TOM1L2: variants seen among roughly 807,000 people sequenced by gnomAD.
TOM1L2 encodes the protein TOM1-like protein 2.
Under a neutral mutation model 67.9 loss-of-function variants are expected in TOM1L2, and 31 were observed. The observed-to-expected ratio is 0.46, with a 90% CI of 0.34 to 0.62. The LOEUF is 0.62. TOM1L2 is among the 20% of genes least tolerant of loss of function. TOM1L2 has a pLI of 0.01. For missense variants in TOM1L2, 606 were observed against 663.5 expected (o/e 0.91, Z 0.95); for synonymous variants, 256 against 254.0 (o/e 1.01, Z -0.07).
In TOM1L2 at chr17:17,893,919, A is replaced by G. The variant is rs2038423335; in HGVS notation, c.217-109T>C. 11 of 1,177,308 alleles carry G rather than the reference A, an allele frequency of 9.3e-6. No individual in the cohort carries two copies. The South Asian group carries it at 1.7e-4, about 18-fold the overall frequency. 72.9% of individuals were successfully genotyped at this position (1,177,308 alleles called of 1,614,324 possible). ...ACCATCCCCTCTGTCTTGCTCCTAG[A>G]TCAGCTTTCTGACACGTCTCCTCCA... On this transcript the variant is annotated intron_variant, in intron 3 of 14. Coordinates refer to ENST00000379504, the MANE Select transcript of TOM1L2 (RefSeq NM_001082968.2).
rs754015131 is a variant in TOM1L2 at position 17,850,961 on chromosome 17, G to A, written c.1279-9C>T. ...GGCTGCGCAACGGGGATCTATGGAG[G>A]CGGCAAGCAGCGGGCCAGGCAGCCC... On this transcript the variant is annotated splice_polypyrimidine_tract_variant and intron_variant, in intron 12 of 14. Coordinates refer to ENST00000379504, the MANE Select transcript of TOM1L2 (RefSeq NM_001082968.2). 22 of 1,613,470 alleles carry A rather than the reference G, an allele frequency of 1.4e-5. No individual in the cohort carries two copies. In the African/African-American group the frequency reaches 1.9e-4, roughly 14 times the overall value.
chr17:17,970,664 C>T (rs2042033120), intron 1 of TOM1L2, among the ~76,000 whole-genome samples: 1 of 152,162 alleles, frequency 6.6e-6, no homozygotes, highest in Non-Finnish European at 1.5e-5. Context: ...TGGGGTCCCT[C>T]ATGCATTATA....
rs192310201 is a variant in TOM1L2 at position 17,928,171 on chromosome 17, G to C, written c.53-20640C>G. Among the ~76,000 whole-genome samples the C allele has an allele frequency of 2.3e-3, 343 of 151,108 alleles. 2 individuals are homozygous for C. The highest frequency in any genetic ancestry group is 7.5e-3 in the African/African-American group (308 of 41,092). On this transcript the variant is annotated intron_variant, in intron 1 of 14. Coordinates refer to ENST00000379504, the MANE Select transcript of TOM1L2 (RefSeq NM_001082968.2). The stretch of plus-strand genomic sequence containing the variant: ...TTTTCTGTAACAACAAAAAAAATCA[G>C]TAGGAGACAGCATAAAACCATTCAT...
intron 2 of TOM1L2, among the ~76,000 whole-genome samples, chr17:17,904,602 T>TTG (rs2039004738): frequency 6.6e-6 from 1 of 152,084 alleles, no homozygotes; most frequent in African/African-American, 2.4e-5. Context: ...AGGGAGCAAC[T>TTG]TGGTCGTTGT....
At chr17:17,885,142 T>G (rs924982740) in intron 4 of TOM1L2, among the ~76,000 whole-genome samples, 3 of 152,344 alleles carry the variant, frequency 2.0e-5, no homozygotes, top group East Asian at 1.9e-4. Context: ...AGCTGGAGCC[T>G]TGTCAGCTCA....
intron 1 of TOM1L2, among the ~76,000 whole-genome samples, chr17:17,957,425 C>T (rs893593743): frequency 6.6e-6 from 1 of 152,124 alleles, no homozygotes; most frequent in Non-Finnish European, 1.5e-5. Context: ...GTTCCCTCTG[C>T]AGTGTGTTGG....
intron 12 of TOM1L2, among the ~76,000 whole-genome samples, chr17:17,854,554 T>C (rs1392241481): frequency 1.3e-5 from 2 of 152,138 alleles, no homozygotes; most frequent in Non-Finnish European, 2.9e-5. Flanking sequence ...AGACAGAGTC[T>C]TGCTCTGTTG....
Position 17,884,717 on chromosome 17 carries a change from T to G in TOM1L2, c.418A>C (p.Ile140Leu). 1.9e-6 allele frequency: 3 copies of G among 1,613,928 alleles called. No homozygotes were observed. The African/African-American group carries it at 4.0e-5, about 22-fold the overall frequency. Residue 140 changes from isoleucine (I) to leucine (L), a missense_variant, in exon 5 of 15, where the codon ATA becomes CTA. By Grantham distance (5) the Ile-to-Leu change is conservative (BLOSUM62 2). This residue lies in a region of TOM1L2 where 543 missense variants were observed against 554.0 expected (regional missense o/e 0.98). Transcript: ENST00000379504. ...CCTTTCCTCTTCAGCTCCTCATATA[T>G]GTGCACAACGCCGGTGAGATCAGGA... is the stretch of plus-strand genomic sequence containing the variant. ...SSPDLTGVVH[I>L]YEELKRKGVE... is the part of the protein sequence containing the mutation.
Position 17,850,899 on chromosome 17 carries a change from GGTCCTGAGCCACACCTCAATGTC to G in TOM1L2, c.1309_1331del (p.Asp437ArgfsTer5), listed in dbSNP as rs1213993040. On this transcript the variant is annotated frameshift_variant, in exon 13 of 15. Coordinates refer to ENST00000379504, the MANE Select transcript of TOM1L2 (RefSeq NM_001082968.2). LOFTEE classifies it high-confidence loss of function. ...TAGAAAAGTCGAGTCTCACCAGGTCGGTCCTGAGCCACACCTCAATGTCGTCCATGACAGATGGCTGCGCAACG... is the reference window on the plus strand; with the variant it reads ...TAGAAAAGTCGAGTCTCACCAGGTCGGTCCATGACAGATGGCTGCGCAACG... The G allele has an allele frequency of 6.2e-7, 1 of 1,614,008 alleles. No individual in the cohort carries two copies. Among genetic ancestry groups the G allele is most frequent in the East Asian group, 2.2e-5 (1 of 44,892 alleles).
intron 2 of TOM1L2, among the ~76,000 whole-genome samples, chr17:17,902,937 T>C (rs1350649726): frequency 6.6e-6 from 1 of 151,284 alleles, no homozygotes; most frequent in African/African-American, 2.5e-5. Context: ...CACAGGGAGA[T>C]GAAGTAACTC....
At chr17:17,909,192 C>A (rs975669308) in intron 1 of TOM1L2, among the ~76,000 whole-genome samples, 1 of 152,054 alleles carries the variant, frequency 6.6e-6, no homozygotes, top group Non-Finnish European at 1.5e-5. Context: ...AAAACAAAAA[C>A]AAACAAACAA....
At chr17:17,968,039 C>T (rs780064550) in intron 1 of TOM1L2, among the ~76,000 whole-genome samples, 13 of 152,200 alleles carry the variant, frequency 8.5e-5, no homozygotes, top group Non-Finnish European at 1.2e-4. Context: ...GATGAACACG[C>T]TAAGTGTTCT....
chr17:17,934,976 T>C (rs1360647252), intron 1 of TOM1L2, among the ~76,000 whole-genome samples: 1 of 152,198 alleles, frequency 6.6e-6, no homozygotes, highest in Non-Finnish European at 1.5e-5. Context: ...ATCCTGCACA[T>C]AGCAATTAGA....
chr17:17,959,372 C>T (rs1346715669), intron 1 of TOM1L2, among the ~76,000 whole-genome samples: 1 of 152,176 alleles, frequency 6.6e-6, no homozygotes, highest in African/African-American at 2.4e-5. Context: ...ACAAAAAAAT[C>T]CCTGCACATT....
intron 4 of TOM1L2, among the ~76,000 whole-genome samples, chr17:17,888,788 A>C (rs1489058256): frequency 6.6e-6 from 1 of 152,212 alleles, no homozygotes; most frequent in Non-Finnish European, 1.5e-5. Flanking sequence ...TCCTGAAAAC[A>C]ATTTCAAGGG....
chr17:17,892,471 T>C (rs1446029732), intron 4 of TOM1L2, among the ~76,000 whole-genome samples: 1 of 152,160 alleles, frequency 6.6e-6, no homozygotes, highest in Non-Finnish European at 1.5e-5. Context: ...CACCACGTGC[T>C]CTGTCTAAAA....
intron 13 of TOM1L2, among the ~76,000 whole-genome samples, chr17:17,850,459 T>C (rs1262156344): frequency 6.6e-6 from 1 of 151,172 alleles, no homozygotes; most frequent in African/African-American, 2.4e-5. Context: ...ACAAAAGCAC[T>C]GTGTGTATAC....
chr17:17,904,639 G>A (rs1412519579), intron 2 of TOM1L2, among the ~76,000 whole-genome samples: 1 of 152,110 alleles, frequency 6.6e-6, no homozygotes, highest in Non-Finnish European at 1.5e-5. Context: ...GGAGGGAAGG[G>A]GTCGAAGCAG....
chr17:17,948,610 C>T (rs557220054), intron 1 of TOM1L2, among the ~76,000 whole-genome samples: 1 of 152,166 alleles, frequency 6.6e-6, no homozygotes, highest in South Asian at 2.1e-4. Context: ...TGGGACCATG[C>T]CACTGAACTC....
Sources: allele counts gnomAD v4.1 joint callset (sites outside exome capture counted in the v4.1 genomes callset), GRCh38; gene constraint gnomAD v4.1.1; regional missense constraint gnomAD v4.1.1; transcripts MANE v1.5; gene names NCBI Gene and HGNC (gene_info 2026-07-23, HGNC 2026-07-21).